The following SYCP2 variants were observed in gnomAD, a reference collection of about 807,000 sequenced individuals.
SYCP2 encodes synaptonemal complex protein 2, also known as synaptonemal complex lateral element protein.
A neutral mutation model predicts 211.3 loss-of-function variants in SYCP2; 55 were observed. That is an observed-to-expected ratio of 0.26 (90% CI 0.21 to 0.33). The LOEUF (loss-of-function observed/expected upper bound fraction) is 0.33. Ranked by LOEUF, SYCP2 falls within the 10% of genes least tolerant of loss-of-function variation. The pLI, the probability that SYCP2 is intolerant of heterozygous loss-of-function variation, is 1.00. For missense variants in SYCP2, 1,731 were observed against 1,752.0 expected, an observed-to-expected ratio of 0.99 and a Z score of 0.21; for synonymous variants, 570 against 555.2, an observed-to-expected ratio of 1.03 and a Z score of -0.37.
chr20:59,882,418 A>T (rs1479099400), intron 26 of SYCP2, among the ~76,000 whole-genome samples: 1 of 152,136 alleles, frequency 6.6e-6, no homozygotes, highest in Non-Finnish European at 1.5e-5. Context: ...CTAAAAATAG[A>T]ACTACAGTAT....
At chr20:59,891,615 AAC>A (rs984029638) in intron 24 of SYCP2, among the ~76,000 whole-genome samples, 11 of 152,014 alleles carry the variant, frequency 7.2e-5, no homozygotes, top group African/African-American at 2.7e-4. Flanking sequence ...TGTTGAATAA[AAC>A]AGTCTATGGT....
intron 18 of SYCP2, among the ~76,000 whole-genome samples, chr20:59,899,118 C>T (rs2060067799): frequency 6.6e-6 from 1 of 151,914 alleles, no homozygotes; most frequent in South Asian, 2.1e-4. Flanking sequence ...CAAAGTCCTA[C>T]GAGGAGGCTA....
chr20:59,880,475 T>TA lies in SYCP2; in HGVS notation c.2773-5dup, dbSNP rs747137339. The TA allele has an allele frequency of 2.1e-5, 32 of 1,520,218 alleles. No individual in the cohort carries two copies. Among genetic ancestry groups the TA allele is most frequent in the South Asian group, 1.1e-4 (9 of 79,692 alleles). The allele number at this position is 1,520,218 out of a possible 1,614,324, so 94.2% of individuals were successfully genotyped here. On this transcript the variant is annotated splice_region_variant and splice_polypyrimidine_tract_variant and intron_variant, in intron 30 of 44. Transcript: ENST00000357552. Reference sequence around the variant, plus strand: ...TCTTTTGATGATTTGTTATAATCTATAAAAAAAAGTTTGAAATGCATGAAG... The same window carrying TA: ...TCTTTTGATGATTTGTTATAATCTATAAAAAAAAAGTTTGAAATGCATGAAG...
chr20:59,909,911 A>AG (rs2060284345), intron 14 of SYCP2, among the ~76,000 whole-genome samples: 1 of 152,242 alleles, frequency 6.6e-6, no homozygotes, highest in African/African-American at 2.4e-5. Context: ...CTCTATGAGA[A>AG]GGCAACATTT....
chr20:59,930,771 AT>A (rs1370651249), intron 2 of SYCP2, among the ~76,000 whole-genome samples: 5 of 152,154 alleles, frequency 3.3e-5, no homozygotes, highest in African/African-American at 4.8e-5. Context: ...TGTTATTAAA[AT>A]TTTTTAAGGA....
At chr20:59,911,154 A>C (rs1205314549) in intron 14 of SYCP2, among the ~76,000 whole-genome samples, 1 of 152,208 alleles carries the variant, frequency 6.6e-6, no homozygotes, top group African/African-American at 2.4e-5. Context: ...TTTGAGCTAA[A>C]TGTATGCAAA....
chr20:59,901,533 T>C (rs2060115353), intron 16 of SYCP2, 129 bp downstream of exon 16: 2 of 585,288 alleles, frequency 3.4e-6, no homozygotes, highest in African/African-American at 1.9e-5. Context: ...TCTTCAACAG[T>C]ACAAATTTAA....
At chr20:59,910,173 G>A (rs893177697) in intron 14 of SYCP2, among the ~76,000 whole-genome samples, 1 of 152,106 alleles carries the variant, frequency 6.6e-6, no homozygotes, top group Non-Finnish European at 1.5e-5. Flanking sequence ...GTGGAGAATG[G>A]CTTTTATGGA....
intron 6 of SYCP2, 135 bp from the exon 7 acceptor site, chr20:59,919,317 T>G (rs1442204566): frequency 1.1e-5 from 7 of 665,064 alleles, no homozygotes; most frequent in African/African-American, 1.9e-5. Context: ...TTTTATTAAC[T>G]AACCATTTAA....
At chr20:59,904,437 A>G (rs2060176814) in intron 15 of SYCP2, among the ~76,000 whole-genome samples, 1 of 152,146 alleles carries the variant, frequency 6.6e-6, no homozygotes, top group Non-Finnish European at 1.5e-5. Context: ...ACACCTGAGT[A>G]ATAGAGGCAA....
At chr20:59,893,650 T>G in intron 20 of SYCP2, 57 bp from the exon 21 acceptor site, 1 of 1,315,016 alleles carries the variant, frequency 7.6e-7, no homozygotes, top group Admixed American at 2.0e-5. Flanking sequence ...AAAACCTAAA[T>G]GTTACAGTAT....
chr20:59,902,083 ATTC>A (rs2060125938), intron 15 of SYCP2, among the ~76,000 whole-genome samples: 1 of 152,122 alleles, frequency 6.6e-6, no homozygotes, highest in Non-Finnish European at 1.5e-5. Context: ...ACTCTAACAA[ATTC>A]TTAATAAAAT....
At chr20:59,866,695 G>C in intron 39 of SYCP2, 106 bp from the exon 40 acceptor site, 1 of 754,480 alleles carries the variant, frequency 1.3e-6, no homozygotes, top group South Asian at 2.1e-5. Context: ...TTACTAAGAA[G>C]AACTTGGAAA....
At position 59,892,685 on chromosome 20, in the gene SYCP2, C is replaced by A; in HGVS notation, c.1810G>T (p.Asp604Tyr). 1 of 1,603,612 alleles carries A rather than the reference C, an allele frequency of 6.2e-7. No individual in the cohort carries two copies. The highest frequency in any genetic ancestry group is 8.5e-7 in the Non-Finnish European group (1 of 1,175,678). Residue 604 changes from aspartate (D) to tyrosine (Y), a missense_variant, in exon 23 of 45, where the codon GAC becomes TAC. Asp to Tyr is a radical substitution (Grantham distance 160, BLOSUM62 -3). Transcript: ENST00000357552. ...TGTATTTTATTTCCACAGATGTTGT[C>A]TAAAACACCAGGTAATCTAGAAAAT... is the stretch of plus-strand genomic sequence containing the variant. The part of the protein sequence containing the change: ...RDHTILPGVL[D>Y]NICGNKIHSK...
At chr20:59,873,805 T>G (rs778251913) in intron 35 of SYCP2, 51 bp downstream of exon 35, 10 of 1,441,294 alleles carry the variant, frequency 6.9e-6, no homozygotes, top group Non-Finnish European at 9.4e-6. Flanking sequence ...GAAAATAACT[T>G]ACTACCTTCA....
rs757239874 is a variant in SYCP2 at position 59,866,411 on chromosome 20, G to C, written c.4221-19C>G. On this transcript the variant is annotated intron_variant, in intron 40 of 44. Coordinates refer to ENST00000357552, the MANE Select transcript of SYCP2 (RefSeq NM_014258.4). Reference sequence around the variant, plus strand: ...TTTAATCCTATTACAGAAACAAAATGAGATTAATTTTAAAAACTGTAGCAT... The same window carrying C: ...TTTAATCCTATTACAGAAACAAAATCAGATTAATTTTAAAAACTGTAGCAT... The C allele has an allele frequency of 5.8e-6, 9 of 1,558,406 alleles. No homozygotes were observed. Among genetic ancestry groups the C allele is most frequent in the Non-Finnish European group, 7.9e-6 (9 of 1,143,950 alleles).
intron 7 of SYCP2, among the ~76,000 whole-genome samples, chr20:59,918,828 C>CA (rs1241268128): frequency 6.6e-6 from 1 of 152,014 alleles, no homozygotes; most frequent in Non-Finnish European, 1.5e-5. Flanking sequence ...TATTCTCTCG[C>CA]AAAAAGAATG....
At chr20:59,890,184 C>T (rs190497185) in intron 24 of SYCP2, among the ~76,000 whole-genome samples, 7 of 152,030 alleles carry the variant, frequency 4.6e-5, no homozygotes, top group Non-Finnish European at 8.8e-5. Context: ...ATAAAGAAAA[C>T]GTGGCATTAT....
chr20:59,875,243 AG>A, intron 34 of SYCP2, 27 bp downstream of exon 34: 2 of 1,442,480 alleles, frequency 1.4e-6, no homozygotes, highest in East Asian at 2.3e-5. Context: ...TGAATATTCA[AG>A]TAAAGAAAAA....
Sources: gnomAD v4.1 joint callset for allele counts (sites outside exome capture counted in the v4.1 genomes callset) on GRCh38, gnomAD v4.1.1 for gene constraint, MANE v1.5 for transcripts, NCBI Gene and HGNC (gene_info 2026-07-23, HGNC 2026-07-21) for gene names.